The following GABRG3 variants were observed in gnomAD, a reference collection of about 807,000 sequenced individuals.
GABRG3 encodes gamma-aminobutyric acid receptor subunit gamma-3.
In GABRG3, 25 loss-of-function variants were observed where a neutral mutation model predicts 48.8. The observed-to-expected ratio is 0.51, with a 90% CI of 0.37 to 0.72. The LOEUF (loss-of-function observed/expected upper bound fraction) is 0.72, where lower values mean the gene tolerates loss of function less well. Ranked by LOEUF, GABRG3 falls within the 30% of genes least tolerant of loss-of-function variation. The pLI, the probability that GABRG3 is intolerant of heterozygous loss-of-function variation, is 0.00. For missense variants in GABRG3, 394 were observed against 577.9 expected (o/e 0.68, Z 3.26); for synonymous variants, 227 against 217.6 (o/e 1.04, Z -0.38).
At chr15:27,148,255 C>T (rs1191495515) in intron 3 of GABRG3, among the ~76,000 whole-genome samples, 2 of 151,608 alleles carry the variant, frequency 1.3e-5, no homozygotes, top group African/African-American at 2.4e-5. Context: ...TAATTAGATG[C>T]AATAAATTCC....
intron 3 of GABRG3, among the ~76,000 whole-genome samples, chr15:27,182,806 A>C (rs1168307558): frequency 6.6e-6 from 1 of 152,174 alleles, no homozygotes; most frequent in Non-Finnish European, 1.5e-5. Flanking sequence ...GTGGAGGCTC[A>C]ATGACCTAAT....
At chr15:27,022,259 A>G (rs1447454205) in intron 2 of GABRG3, among the ~76,000 whole-genome samples, 7 of 152,212 alleles carry the variant, frequency 4.6e-5, no homozygotes, top group Non-Finnish European at 1.0e-4. Context: ...TTCACGCTGG[A>G]AAAGTTAGGA....
chr15:27,457,590 G>C lies in GABRG3; in HGVS notation c.575-23060G>C, dbSNP rs986371282. On this transcript the variant is annotated intron_variant, in intron 5 of 9. Coordinates refer to ENST00000615808, the MANE Select transcript of GABRG3 (RefSeq NM_033223.5). The surrounding 1 kb of genome is among the most constrained non-coding windows in gnomAD (Gnocchi z 4.4). ...ACACGTTCCCTGCCCCGTATCTAAA[G>C]TGGCTTGGCCAGGATTGATCCACTG... Among the ~76,000 whole-genome samples the C allele has an allele frequency of 1.3e-5, 2 of 152,160 alleles. No individual in the cohort carries two copies. Among genetic ancestry groups the C allele is most frequent in the African/African-American group, 4.8e-5 (2 of 41,438 alleles).
At chr15:27,433,364 A>G (rs975736229) in intron 5 of GABRG3, among the ~76,000 whole-genome samples, 1 of 152,210 alleles carries the variant, frequency 6.6e-6, no homozygotes, top group Non-Finnish European at 1.5e-5. Flanking sequence ...CATGTCAGGA[A>G]ACCTGTGTTT....
intron 2 of GABRG3, among the ~76,000 whole-genome samples, chr15:27,024,803 G>A (rs1487042831): frequency 2.6e-5 from 4 of 152,128 alleles, no homozygotes; most frequent in African/African-American, 9.7e-5. Flanking sequence ...GGGGTGGGCA[G>A]ATCACCTGAG....
chr15:27,235,712 T>A (rs977385238), intron 3 of GABRG3, among the ~76,000 whole-genome samples: 5 of 152,072 alleles, frequency 3.3e-5, no homozygotes, highest in African/African-American at 9.7e-5. Flanking sequence ...ACCAGAGAAA[T>A]GAAAGCAGAT....
chr15:27,201,341 G>A (rs1888673832), intron 3 of GABRG3, among the ~76,000 whole-genome samples: 1 of 150,724 alleles, frequency 6.6e-6, no homozygotes. Flanking sequence ...GGGGCATGGG[G>A]AGTGAGGGGT....
chr15:27,387,476 AGGC>A (rs1185114370), intron 5 of GABRG3, among the ~76,000 whole-genome samples: 2 of 152,140 alleles, frequency 1.3e-5, no homozygotes, highest in Non-Finnish European at 2.9e-5. Flanking sequence ...CACTACCCAG[AGGC>A]CATTTGTAAT....
chr15:27,197,469 AT>A (rs36104116), intron 3 of GABRG3, among the ~76,000 whole-genome samples: 7,216 of 143,244 alleles, frequency 0.05, 390 homozygotes, highest in African/African-American at 0.14. Context: ...TTTAACGGCT[AT>A]TTTTTTTTTT....
At chr15:27,152,924 G>A (rs1478152656) in intron 3 of GABRG3, among the ~76,000 whole-genome samples, 1 of 150,086 alleles carries the variant, frequency 6.7e-6, no homozygotes, top group East Asian at 2.0e-4. Flanking sequence ...GCAGTGGCGC[G>A]ATCTCGGCTC....
At chr15:27,318,038 TA>T (rs1485490210) in intron 3 of GABRG3, among the ~76,000 whole-genome samples, 2 of 152,110 alleles carry the variant, frequency 1.3e-5, no homozygotes, top group Admixed American at 6.6e-5. Flanking sequence ...TTACATACAA[TA>T]AAAACCGTGC....
intron 5 of GABRG3, among the ~76,000 whole-genome samples, chr15:27,448,930 C>A (rs1566845441): frequency 6.6e-6 from 1 of 152,156 alleles, no homozygotes; most frequent in Non-Finnish European, 1.5e-5. Flanking sequence ...TTCTTTCAGG[C>A]AGACTCAGGA....
chr15:27,237,974 T>C lies in GABRG3; in HGVS notation c.271-88835T>C, dbSNP rs568633510. ...CTCTTGAACGCTGTAATACTGTTAT[T>C]ATGTCTGGGAAGAAGGAAAGAAGGA... On this transcript the variant is annotated intron_variant, in intron 3 of 9. Coordinates refer to ENST00000615808, the MANE Select transcript of GABRG3 (RefSeq NM_033223.5). 1.1e-4 allele frequency among the ~76,000 whole-genome samples: 16 copies of C among 152,296 alleles called. No homozygotes were observed. The South Asian group carries it at 3.3e-3, about 32-fold the overall frequency.
chr15:27,110,458 T>C (rs182127555), intron 3 of GABRG3, among the ~76,000 whole-genome samples: 181 of 152,248 alleles, frequency 1.2e-3, no homozygotes, highest in African/African-American at 4.0e-3. Flanking sequence ...CACTTATTGC[T>C]TCTCTGATGT....
chr15:27,355,709 G>T (rs950028496), intron 5 of GABRG3, among the ~76,000 whole-genome samples: 2 of 151,904 alleles, frequency 1.3e-5, no homozygotes, highest in African/African-American at 4.9e-5. Context: ...TACAAAAAGT[G>T]GGGGGAAACC....
chr15:27,455,992 T>G (rs757072770), intron 5 of GABRG3, among the ~76,000 whole-genome samples: 31 of 152,018 alleles, frequency 2.0e-4, no homozygotes, highest in Non-Finnish European at 4.6e-4. Context: ...TGGTTGAGAG[T>G]CCACAGCCAT....
At chr15:27,256,206 G>T (rs1456860682) in intron 3 of GABRG3, among the ~76,000 whole-genome samples, 1 of 152,086 alleles carries the variant, frequency 6.6e-6, no homozygotes, top group African/African-American at 2.4e-5. Flanking sequence ...ACTTTGGGAG[G>T]CCGAGGCGGG....
Position 27,306,662 on chromosome 15 carries a change from ATGTTTATATATAAACATAT to A in GABRG3, c.271-20146_271-20128del, listed in dbSNP as rs1892496563. 2.1e-4 allele frequency among the ~76,000 whole-genome samples: 12 copies of A among 57,132 alleles called. 1 individual carries two copies. Among genetic ancestry groups the A allele is most frequent in the African/African-American group, 8.6e-4 (10 of 11,624 alleles). 37.5% of individuals were successfully genotyped at this position (57,132 alleles called of 152,430 possible). ...TTTATATATAAACATATATATGAACATGTTTATATATAAACATATATATGAACATGTTTATATATAAACA... is the reference window on the plus strand; with the variant it reads ...TTTATATATAAACATATATATGAACAATATGAACATGTTTATATATAAACA... On this transcript the variant is annotated intron_variant, in intron 3 of 9. Transcript: ENST00000615808.
chr15:27,262,908 A>G (rs1890809205), intron 3 of GABRG3, among the ~76,000 whole-genome samples: 1 of 152,174 alleles, frequency 6.6e-6, no homozygotes, highest in African/African-American at 2.4e-5. Flanking sequence ...GCCTAGTGCT[A>G]TTTTCTGCAA....
Sources: gnomAD v4.1 joint callset for allele counts (sites outside exome capture counted in the v4.1 genomes callset) on GRCh38, gnomAD v4.1.1 for gene constraint, Gnocchi (gnomAD v3.1) non-coding constraint, MANE v1.5 for transcripts, NCBI Gene and HGNC (gene_info 2026-07-23, HGNC 2026-07-21) for gene names.